Variants in MCM5 observed in about 807,000 individuals in gnomAD.
The protein encoded by MCM5 is DNA replication licensing factor MCM5.
In MCM5, 46 loss-of-function variants were observed where a neutral mutation model predicts 79.9. The observed-to-expected ratio is 0.58, with a 90% CI of 0.45 to 0.74. The LOEUF is 0.74. MCM5 is among the 30% of genes least tolerant of loss of function. MCM5 has a pLI of 0.00. For synonymous variants in MCM5, 404 were observed against 390.5 expected (o/e 1.03, Z -0.41); for missense variants, 883 against 1,017.0 (o/e 0.87, Z 1.79).
chr22:35,419,947 G>C lies in MCM5; in HGVS notation c.1767G>C (p.Met589Ile). The C allele has an allele frequency of 6.2e-7, 1 of 1,613,292 alleles. No homozygotes were observed. Among genetic ancestry groups the C allele is most frequent in the South Asian group, 1.1e-5 (1 of 90,878 alleles). The change falls in exon 14 of 17, where the codon ATG becomes ATC. Residue 589 changes from methionine (M) to isoleucine (I), a missense_variant. Coordinates refer to ENST00000216122, the MANE Select transcript of MCM5 (RefSeq NM_006739.4). ...AACTGAAGAACCGCTACATCATCAT[G>C]CGGAGCGGGGCCCGTCAGCACGAGA... ...AEKLKNRYIIMRSGARQHERD... is the reference protein window; with the variant it reads ...AEKLKNRYIIIRSGARQHERD...
chr22:35,406,214 G>A (rs1173479236), intron 4 of MCM5, among the ~76,000 whole-genome samples: 2 of 150,724 alleles, frequency 1.3e-5, no homozygotes, highest in Non-Finnish European at 2.9e-5. Flanking sequence ...CAAGGATGTC[G>A]CCATCAGAGC....
the MCM5 span, among the ~76,000 whole-genome samples, chr22:35,435,367 C>T: frequency 0.1 from 15,286 of 152,042 alleles, 2,199 homozygotes; most frequent in African/African-American, 0.32. Flanking sequence ...GGTGGGGCCT[C>T]GATGGGGACT....
chr22:35,402,294 C>G (rs917675881), intron 2 of MCM5, among the ~76,000 whole-genome samples: 1 of 151,746 alleles, frequency 6.6e-6, no homozygotes, highest in Non-Finnish European at 1.5e-5. Context: ...TTTTCTGCTG[C>G]CTTGGTGCCT....
intron 16 of MCM5, 183 bp from the exon 17 acceptor site, chr22:35,423,971 T>C (rs1932753060): frequency 1.8e-6 from 1 of 553,106 alleles, no homozygotes; most frequent in Non-Finnish European, 3.2e-6. Context: ...TGCTGTGACC[T>C]TGAGCAAGTG....
chr22:35,407,611 G>A (rs982467370), intron 5 of MCM5, among the ~76,000 whole-genome samples: 1 of 152,248 alleles, frequency 6.6e-6, no homozygotes, highest in Admixed American at 6.5e-5. Flanking sequence ...TTCCTCTACT[G>A]GGAGTGCTGT....
the MCM5 span, among the ~76,000 whole-genome samples, chr22:35,451,491 T>A: frequency 0.017 from 2,564 of 152,326 alleles, 67 homozygotes; most frequent in African/African-American, 0.058. Context: ...ATTATTGATC[T>A]GCCATCTCCA....
the MCM5 span, among the ~76,000 whole-genome samples, chr22:35,451,721 A>ATG: frequency 6.6e-6 from 1 of 152,136 alleles, no homozygotes; most frequent in African/African-American, 2.4e-5. Flanking sequence ...TCAGCATATG[A>ATG]TGTCAGCGGC....
intron 8 of MCM5, 136 bp downstream of exon 8, chr22:35,412,817 A>G: frequency 1.3e-6 from 1 of 746,556 alleles, no homozygotes; most frequent in East Asian, 3.4e-5. Flanking sequence ...CACCTTTGCC[A>G]GCCCCCAAGC....
At chr22:35,403,634 T>C in intron 4 of MCM5, 92 bp downstream of exon 4, 1 of 1,488,642 alleles carries the variant, frequency 6.7e-7, no homozygotes, top group Non-Finnish European at 9.1e-7. Context: ...AGTGAGGCAC[T>C]TGACCTTTCT....
At chr22:35,406,453 G>A in intron 4 of MCM5, 100 bp from the exon 5 acceptor site, 1 of 1,126,816 alleles carries the variant, frequency 8.9e-7, no homozygotes, top group Admixed American at 2.0e-5. Flanking sequence ...GCAGCTCTGT[G>A]CCCACCTCCT....
the MCM5 span, among the ~76,000 whole-genome samples, chr22:35,443,785 T>C: frequency 6.6e-6 from 1 of 152,294 alleles, no homozygotes; most frequent in East Asian, 1.9e-4. Context: ...TTTGTGGCTC[T>C]GCCTCCCGCA....
the MCM5 span, among the ~76,000 whole-genome samples, chr22:35,452,277 C>T: frequency 1.3e-5 from 2 of 152,162 alleles, no homozygotes; most frequent in Non-Finnish European, 1.5e-5. Flanking sequence ...CACCCCTCCC[C>T]ACCCCCACGC....
intron 6 of MCM5, 61 bp from the exon 7 acceptor site, chr22:35,410,681 CAG>C (rs768758984): frequency 6.0e-6 from 9 of 1,506,660 alleles, no homozygotes; most frequent in African/African-American, 5.5e-5. Context: ...TGGGTGGAAT[CAG>C]AGACTTGCTG....
At chr22:35,416,302 C>T (rs748096211) in intron 10 of MCM5, 37 bp from the exon 11 acceptor site, 4 of 1,593,726 alleles carry the variant, frequency 2.5e-6, no homozygotes, top group Admixed American at 3.3e-5. Flanking sequence ...TCCCTCACTT[C>T]AGTAGGTCTG....
intron 11 of MCM5, 111 bp downstream of exon 11, chr22:35,416,515 GT>G: frequency 2.8e-4 from 13 of 45,896 alleles, no homozygotes; most frequent in Non-Finnish European, 5.5e-4. Context: ...TAGAATCTGT[GT>G]GTGTGTGTGT....
intron 11 of MCM5, 109 bp downstream of exon 11, chr22:35,416,513 G>GTGTGTGTGTT (rs1932545524): frequency 4.3e-5 from 1 of 23,116 alleles, no homozygotes; most frequent in African/African-American, 2.5e-3. Context: ...CCTAGAATCT[G>GTGTGTGTGTT]TGTGTGTGTG....
the MCM5 span, among the ~76,000 whole-genome samples, chr22:35,433,938 G>C: frequency 6.6e-6 from 1 of 152,222 alleles, no homozygotes; most frequent in Non-Finnish European, 1.5e-5. Context: ...CAGAGGCTGG[G>C]AAACTTAACC....
chr22:35,408,607 G>A (rs1317855496), intron 6 of MCM5, 44 bp downstream of exon 6: 3 of 1,581,658 alleles, frequency 1.9e-6, no homozygotes, highest in Admixed American at 3.4e-5. Flanking sequence ...GACGGTGGAT[G>A]TCCCAGCTGT....
chr22:35,405,143 A>G (rs779309533), intron 4 of MCM5, among the ~76,000 whole-genome samples: 13 of 149,772 alleles, frequency 8.7e-5, no homozygotes, highest in Non-Finnish European at 1.5e-4. Context: ...CTCCTGCCTC[A>G]GCCCCCCAAG....
Sources: allele counts gnomAD v4.1 joint callset (sites outside exome capture counted in the v4.1 genomes callset), GRCh38; gene constraint gnomAD v4.1.1; transcripts MANE v1.5; gene names NCBI Gene and HGNC (gene_info 2026-07-23, HGNC 2026-07-21).